Variants in AKAP19 observed in about 807,000 individuals in gnomAD.
AKAP19 encodes the protein small A-kinase anchoring protein.
At chr2:190,013,432 G>A in the AKAP19 span, among the ~76,000 whole-genome samples, 5 of 151,872 alleles carry the variant, frequency 3.3e-5, no homozygotes, top group Admixed American at 6.6e-5. Context: ...GTGTATTTCT[G>A]TGATTTTAGT....
chr2:189,889,433 C>T, the AKAP19 span, among the ~76,000 whole-genome samples: 1 of 152,318 alleles, frequency 6.6e-6, no homozygotes, highest in Admixed American at 6.5e-5. Flanking sequence ...CAGGATGATA[C>T]TGGCCTCATG....
At chr2:189,949,508 GAA>G in the AKAP19 span, among the ~76,000 whole-genome samples, 24 of 144,336 alleles carry the variant, frequency 1.7e-4, no homozygotes, top group Middle Eastern at 7.1e-3. Context: ...CTCAAAAAAA[GAA>G]AAAAAAAAAG....
At chr2:190,163,258 C>T in the AKAP19 span, among the ~76,000 whole-genome samples, 29 of 151,920 alleles carry the variant, frequency 1.9e-4, no homozygotes, top group African/African-American at 6.8e-4. Context: ...CACGGTGAAA[C>T]CCCGTTTCTA....
At chr2:190,166,127 T>A in the AKAP19 span, among the ~76,000 whole-genome samples, 165 of 151,902 alleles carry the variant, frequency 1.1e-3, no homozygotes, top group African/African-American at 3.9e-3. Flanking sequence ...AAATTAATAT[T>A]ATAAGTAAAA....
At chr2:190,185,962 T>G in the AKAP19 span, among the ~76,000 whole-genome samples, 1 of 152,152 alleles carries the variant, frequency 6.6e-6, no homozygotes, top group Non-Finnish European at 1.5e-5. Context: ...ACAATTTTTA[T>G]TTTTTTGAGA....
the AKAP19 span, among the ~76,000 whole-genome samples, chr2:190,035,169 A>G: frequency 1.1e-3 from 171 of 152,276 alleles, no homozygotes; most frequent in Non-Finnish European, 2.2e-3. Flanking sequence ...GGCCAGGCAC[A>G]GTGGCTCACA....
At chr2:190,089,850 A>G in the AKAP19 span, among the ~76,000 whole-genome samples, 2 of 151,946 alleles carry the variant, frequency 1.3e-5, no homozygotes, top group Non-Finnish European at 2.9e-5. Context: ...ATTTAGGACT[A>G]CTCCAGAGGG....
the AKAP19 span, among the ~76,000 whole-genome samples, chr2:189,920,856 C>T: frequency 6.6e-6 from 1 of 152,168 alleles, no homozygotes; most frequent in South Asian, 2.1e-4. Context: ...TACTTGATGC[C>T]TTCAAGGGTT....
chr2:189,912,515 C>T, the AKAP19 span, among the ~76,000 whole-genome samples: 12 of 152,062 alleles, frequency 7.9e-5, 1 homozygote, highest in Middle Eastern at 3.4e-3. Context: ...CACTCCAGCC[C>T]GGGCAACAGA....
the AKAP19 span, among the ~76,000 whole-genome samples, chr2:190,114,560 A>G: frequency 8.5e-5 from 13 of 152,164 alleles, no homozygotes; most frequent in Non-Finnish European, 1.8e-4. Flanking sequence ...GATTCACGCC[A>G]TTCTCCTGCC....
the AKAP19 span, among the ~76,000 whole-genome samples, chr2:190,040,222 G>A: frequency 6.6e-6 from 1 of 152,196 alleles, no homozygotes; most frequent in Non-Finnish European, 1.5e-5. Flanking sequence ...TCTTACTGGT[G>A]TGAAATGGTA....
At chr2:190,110,673 C>T in the AKAP19 span, among the ~76,000 whole-genome samples, 2 of 152,178 alleles carry the variant, frequency 1.3e-5, no homozygotes, top group Admixed American at 1.3e-4. Flanking sequence ...ACTTCAATAA[C>T]ATCACTATTT....
the AKAP19 span, among the ~76,000 whole-genome samples, chr2:189,891,815 C>G: frequency 3.3e-5 from 5 of 152,190 alleles, no homozygotes; most frequent in East Asian, 9.7e-4. Context: ...TGAATAATAT[C>G]CTGAAGAGTG....
At chr2:189,962,065 T>C in the AKAP19 span, among the ~76,000 whole-genome samples, 13 of 152,230 alleles carry the variant, frequency 8.5e-5, no homozygotes, top group Non-Finnish European at 1.9e-4. Context: ...AATACAGTCA[T>C]GTGACACATA....
the AKAP19 span, among the ~76,000 whole-genome samples, chr2:189,995,488 C>T: frequency 6.6e-6 from 1 of 152,040 alleles, no homozygotes; most frequent in East Asian, 1.9e-4. Flanking sequence ...ACCCTTTTAC[C>T]TTAAGTTTAC....
the AKAP19 span, among the ~76,000 whole-genome samples, chr2:189,888,480 ACT>A: frequency 6.6e-6 from 1 of 152,000 alleles, no homozygotes; most frequent in Non-Finnish European, 1.5e-5. Flanking sequence ...CTGTGAAGAA[ACT>A]CAATGGTAGC....
chr2:189,967,731 T>C, the AKAP19 span, among the ~76,000 whole-genome samples: 7 of 151,528 alleles, frequency 4.6e-5, no homozygotes, highest in Non-Finnish European at 8.8e-5. Context: ...AGAGGATCAC[T>C]TGAGCCCAGG....
At chr2:189,883,505 C>CTCT in the AKAP19 span, among the ~76,000 whole-genome samples, 1 of 129,474 alleles carries the variant, frequency 7.7e-6, no homozygotes, top group African/African-American at 3.5e-5. Context: ...TTGTTTCTTC[C>CTCT]TGTTTTTTTT....
At chr2:190,078,842 G>A in the AKAP19 span, among the ~76,000 whole-genome samples, 1 of 152,026 alleles carries the variant, frequency 6.6e-6, no homozygotes, top group East Asian at 1.9e-4. Flanking sequence ...TATTTGTAAA[G>A]CATGTAATGT....
Sources: allele counts gnomAD v4.1 joint callset (sites outside exome capture counted in the v4.1 genomes callset), GRCh38; gene constraint gnomAD v4.1.1; transcripts MANE v1.5; gene names NCBI Gene and HGNC (gene_info 2026-07-23, HGNC 2026-07-21).